Variants in MGRN1 observed in about 807,000 individuals in gnomAD.
MGRN1 encodes E3 ubiquitin-protein ligase MGRN1.
Under a neutral mutation model 69.2 loss-of-function variants are expected in MGRN1, and 29 were observed. That is an observed-to-expected ratio of 0.42 (90% CI 0.31 to 0.57). MGRN1 has a LOEUF of 0.57. Among genes scored for constraint, MGRN1 ranks in the 20% least tolerant of loss-of-function variants. The pLI is 0.15. For missense variants in MGRN1, 998 were observed against 796.2 expected (o/e 1.25, Z -3.05); for synonymous variants, 470 against 344.2 (o/e 1.37, Z -4.04).
At chr16:4,632,895 C>T (rs1265934606) in intron 1 of MGRN1, among the ~76,000 whole-genome samples, 1 of 152,024 alleles carries the variant, frequency 6.6e-6, no homozygotes, top group Non-Finnish European at 1.5e-5. Flanking sequence ...CCACCCTGGG[C>T]AACACGGCAA....
chr16:4,679,014 T>G (rs1217357798), intron 11 of MGRN1, among the ~76,000 whole-genome samples: 2 of 152,242 alleles, frequency 1.3e-5, no homozygotes, highest in Non-Finnish European at 2.9e-5. Context: ...ATGGTCTTGA[T>G]GCTAGAGGAG....
intron 5 of MGRN1, chr16:4,664,477 G>A (rs1008308216): frequency 8.6e-6 from 5 of 581,516 alleles, no homozygotes; most frequent in African/African-American, 5.6e-5. Flanking sequence ...TTTACTCAAC[G>A]CTGTTGAAAC....
intron 10 of MGRN1, among the ~76,000 whole-genome samples, chr16:4,675,612 T>C (rs1001063577): frequency 6.6e-6 from 1 of 151,802 alleles, no homozygotes; most frequent in African/African-American, 2.4e-5. Context: ...TTGGCTATAG[T>C]ACCAGTGACT....
chr16:4,682,733 G>A, intron 13 of MGRN1, 90 bp from the exon 14 acceptor site: 1 of 1,403,066 alleles, frequency 7.1e-7, no homozygotes, highest in South Asian at 1.7e-5. Flanking sequence ...GCGTGTGCAG[G>A]GGCCCCCAGG....
chr16:4,650,587 C>T, intron 2 of MGRN1, 104 bp downstream of exon 2: 2 of 883,378 alleles, frequency 2.3e-6, no homozygotes, highest in Non-Finnish European at 3.5e-6. Context: ...CAAATCACCC[C>T]TAAAGGGGGC....
chr16:4,659,339 T>C (rs940941872), intron 5 of MGRN1, among the ~76,000 whole-genome samples: 4 of 151,852 alleles, frequency 2.6e-5, no homozygotes, highest in Non-Finnish European at 5.9e-5. Flanking sequence ...AGTGGGAGTT[T>C]GGGAGGTGTC....
intron 15 of MGRN1, among the ~76,000 whole-genome samples, 175 bp from the exon 16 acceptor site, chr16:4,683,668 C>T (rs961779846): frequency 3.9e-5 from 6 of 152,106 alleles, no homozygotes; most frequent in African/African-American, 1.4e-4. Flanking sequence ...AAACACCCAG[C>T]TTTGGGGTCC....
chr16:4,664,593 A>G (rs2141922965), intron 5 of MGRN1, 116 bp from the exon 6 acceptor site: 1 of 1,062,502 alleles, frequency 9.4e-7, no homozygotes, highest in Non-Finnish European at 1.5e-6. Flanking sequence ...GTGTCCTCTG[A>G]GCTCTGCTGC....
rs767070519 is a variant in MGRN1, at chr16:4,681,564, C to T, written c.1146C>T (p.Val382=). ...KPKRETNSDS[V]PPGYEPISLL... is the part of the protein sequence containing the mutation. ...TGTCCCTACAGAACTCTGACAGCGT[C>T]CCACCTGGCTACGAGCCCATCTCGC... The change falls in exon 13 of 17, where the codon GTC becomes GTT. Residue 382 remains valine, a synonymous_variant. Transcript: ENST00000262370. 6 of 1,612,818 alleles carry T rather than the reference C, an allele frequency of 3.7e-6. No homozygotes were observed. The highest frequency in any genetic ancestry group is 5.1e-6 in the Non-Finnish European group (6 of 1,179,668).
chr16:4,684,070 G>C (rs2079251527), intron 16 of MGRN1, 138 bp downstream of exon 16: 2 of 784,364 alleles, frequency 2.5e-6, no homozygotes, highest in East Asian at 5.5e-5. Context: ...TCTCAGCCAT[G>C]CCCCTGCTAT....
chr16:4,670,313 G>C (rs1353356717), intron 8 of MGRN1, among the ~76,000 whole-genome samples: 1 of 152,222 alleles, frequency 6.6e-6, no homozygotes. Flanking sequence ...CATGATCCCA[G>C]CTTACTGTAG....
intron 2 of MGRN1, 99 bp from the exon 3 acceptor site, chr16:4,651,864 G>C: frequency 2.8e-6 from 3 of 1,071,748 alleles, no homozygotes; most frequent in Admixed American, 1.7e-5. Flanking sequence ...CTAGATCCCA[G>C]GGATACCCTC....
chr16:4,647,776 TTTC>T (rs1302758476), intron 1 of MGRN1, among the ~76,000 whole-genome samples: 2 of 152,160 alleles, frequency 1.3e-5, no homozygotes, highest in Admixed American at 1.3e-4. Flanking sequence ...CAGTTGCCGC[TTTC>T]TTCTTTGTTT....
intron 9 of MGRN1, 93 bp downstream of exon 9, chr16:4,671,552 C>G (rs1326552032): frequency 4.2e-6 from 5 of 1,202,476 alleles, no homozygotes; most frequent in Non-Finnish European, 5.0e-6. Flanking sequence ...CCTTCCATGC[C>G]TTCCCCTGGA....
intron 1 of MGRN1, among the ~76,000 whole-genome samples, chr16:4,645,156 G>A (rs959682259): frequency 7.1e-6 from 1 of 141,444 alleles, no homozygotes; most frequent in Non-Finnish European, 1.6e-5. Context: ...GGGGGTGGGG[G>A]TGGTGGTGGG....
At chr16:4,638,833 C>G (rs1028785081) in intron 1 of MGRN1, among the ~76,000 whole-genome samples, 2 of 152,216 alleles carry the variant, frequency 1.3e-5, no homozygotes, top group African/African-American at 2.4e-5. Context: ...CCTTCCCACT[C>G]CCCCTTCCTC....
At chr16:4,625,721 C>G (rs8056746) in intron 1 of MGRN1, among the ~76,000 whole-genome samples, 111,800 of 152,198 alleles carry the variant, frequency 0.73, 43,060 homozygotes, top group East Asian at 0.88. Flanking sequence ...CCGGGACCAG[C>G]TGTGGGGCTC....
intron 1 of MGRN1, among the ~76,000 whole-genome samples, chr16:4,647,212 C>T (rs150646446): frequency 5.5e-4 from 84 of 152,340 alleles, no homozygotes; most frequent in African/African-American, 1.9e-3. Flanking sequence ...CTTGGAGGAG[C>T]AGGCAGGTGG....
At chr16:4,676,485 CTG>C (rs991559284) in intron 10 of MGRN1, among the ~76,000 whole-genome samples, 3 of 152,194 alleles carry the variant, frequency 2.0e-5, no homozygotes, top group African/African-American at 7.2e-5. Flanking sequence ...GGCCATCAGA[CTG>C]GAGTTCAGAG....
Sources: gnomAD v4.1 joint callset for allele counts (sites outside exome capture counted in the v4.1 genomes callset) on GRCh38, gnomAD v4.1.1 for gene constraint, MANE v1.5 for transcripts, NCBI Gene and HGNC (gene_info 2026-07-23, HGNC 2026-07-21) for gene names.